CPQ: variants seen among roughly 807,000 people sequenced by gnomAD.
CPQ encodes the protein Ser-Met dipeptidase.
Under a neutral mutation model 45.7 loss-of-function variants are expected in CPQ, and 37 were observed. The observed-to-expected ratio is 0.81, with a 90% CI of 0.62 to 1.07. CPQ has a LOEUF of 1.07. CPQ is among the 50% of genes least tolerant of loss of function. CPQ has a pLI of 0.00. For synonymous variants in CPQ, 186 were observed against 205.8 expected, an observed-to-expected ratio of 0.90 and a Z score of 0.82; for missense variants, 537 against 572.9, an observed-to-expected ratio of 0.94 and a Z score of 0.64.
chr8:96,784,399 T>TGGCGGGG (rs1554566980), intron 1 of CPQ, among the ~76,000 whole-genome samples: 2 of 128,208 alleles, frequency 1.6e-5, no homozygotes, highest in African/African-American at 5.8e-5. Context: ...TGTTCTGAGG[T>TGGCGGGG]GGGGGGGGGG....
At position 96,834,534 on chromosome 8, in the gene CPQ, T is replaced by C. The variant is rs984363237; in HGVS notation, c.434-439T>C. Among the ~76,000 whole-genome samples the C allele has an allele frequency of 2.0e-5, 3 of 152,294 alleles. No individual in the cohort carries two copies. The East Asian group carries it at 5.8e-4, about 29-fold the overall frequency. ...TGGCATCCTTTGTATGATGTTGTTG[T>C]AGGTTGTTTAGCAACATATCAAAAT... On this transcript the variant is annotated intron_variant, in intron 2 of 7. Transcript: ENST00000220763.
At chr8:97,070,620 A>T (rs1180033423) in intron 7 of CPQ, among the ~76,000 whole-genome samples, 1 of 152,184 alleles carries the variant, frequency 6.6e-6, no homozygotes, top group African/African-American at 2.4e-5. Flanking sequence ...TAAATTGGGA[A>T]GCCTAGAGCA....
chr8:96,674,499 A>G (rs540767667), intron 1 of CPQ, among the ~76,000 whole-genome samples: 50 of 152,262 alleles, frequency 3.3e-4, no homozygotes, highest in African/African-American at 1.1e-3. Flanking sequence ...AGACTTTAAA[A>G]TAATGAAAAA....
chr8:97,130,568 A>T (rs1295486558), intron 7 of CPQ, among the ~76,000 whole-genome samples: 1 of 152,074 alleles, frequency 6.6e-6, no homozygotes, highest in South Asian at 2.1e-4. Flanking sequence ...TGTCCTAAAA[A>T]ATTATATTAA....
At chr8:96,985,728 G>C (rs182728611) in intron 5 of CPQ, among the ~76,000 whole-genome samples, 10 of 152,144 alleles carry the variant, frequency 6.6e-5, no homozygotes, top group African/African-American at 2.4e-4. Context: ...TTTCAAAGGC[G>C]TTGTAAAAAA....
At chr8:96,657,208 G>A (rs558983890) in intron 1 of CPQ, among the ~76,000 whole-genome samples, 2 of 152,178 alleles carry the variant, frequency 1.3e-5, no homozygotes, top group East Asian at 3.9e-4. Context: ...AGCTGGACGT[G>A]GTGGTGTGCG....
chr8:97,136,305 G>A (rs565923066), intron 7 of CPQ, among the ~76,000 whole-genome samples: 43 of 152,264 alleles, frequency 2.8e-4, no homozygotes, highest in Non-Finnish European at 5.4e-4. Flanking sequence ...AAAAGCGATC[G>A]TCACAACTTT....
chr8:96,790,805 A>T (rs913842335), intron 2 of CPQ, among the ~76,000 whole-genome samples: 1 of 152,070 alleles, frequency 6.6e-6, no homozygotes, highest in African/African-American at 2.4e-5. Context: ...GTTTTGAGAG[A>T]CATTAAATTA....
chr8:97,099,217 A>G (rs1586540632), intron 7 of CPQ, among the ~76,000 whole-genome samples: 1 of 134,794 alleles, frequency 7.4e-6, no homozygotes, highest in African/African-American at 2.8e-5. Flanking sequence ...TGCAACATCC[A>G]CCTCCCAGAT....
intron 3 of CPQ, among the ~76,000 whole-genome samples, chr8:96,850,522 A>G (rs566542963): frequency 7.9e-5 from 12 of 152,254 alleles, no homozygotes; most frequent in Non-Finnish European, 1.0e-4. Flanking sequence ...TGATGCTCGT[A>G]AATACTCCAA....
chr8:96,678,681 T>C (rs1030049654), intron 1 of CPQ, among the ~76,000 whole-genome samples: 1 of 152,092 alleles, frequency 6.6e-6, no homozygotes, highest in Admixed American at 6.6e-5. Flanking sequence ...TTCATATACA[T>C]GTTTTCCACT....
chr8:96,876,171 C>A (rs930602981), intron 3 of CPQ, among the ~76,000 whole-genome samples: 1 of 151,878 alleles, frequency 6.6e-6, no homozygotes, highest in African/African-American at 2.4e-5. Flanking sequence ...TATCTGCTAA[C>A]CTTGATGAAC....
chr8:96,803,305 C>G (rs1399818898), intron 2 of CPQ, among the ~76,000 whole-genome samples: 1 of 152,178 alleles, frequency 6.6e-6, no homozygotes, highest in Non-Finnish European at 1.5e-5. Context: ...GGGCCATTTG[C>G]TTTATTCAGT....
At chr8:96,883,596 A>T (rs965713069) in intron 4 of CPQ, among the ~76,000 whole-genome samples, 1 of 152,306 alleles carries the variant, frequency 6.6e-6, no homozygotes, top group South Asian at 2.1e-4. Context: ...TTGTGGAGGG[A>T]ATCTGCATTC....
chr8:96,788,566 T>C (rs544349360), intron 2 of CPQ, among the ~76,000 whole-genome samples: 1 of 152,252 alleles, frequency 6.6e-6, no homozygotes, highest in South Asian at 2.1e-4. Flanking sequence ...CTTTTTCTTT[T>C]GATTTTTATT....
intron 7 of CPQ, among the ~76,000 whole-genome samples, chr8:97,072,224 T>C (rs1344523080): frequency 6.6e-6 from 1 of 152,124 alleles, no homozygotes; most frequent in Non-Finnish European, 1.5e-5. Flanking sequence ...GAGAAGCTGT[T>C]TGAGAAAAAT....
At chr8:96,834,477 A>G (rs1811499631) in intron 2 of CPQ, among the ~76,000 whole-genome samples, 1 of 152,224 alleles carries the variant, frequency 6.6e-6, no homozygotes, top group Admixed American at 6.5e-5. Context: ...ATTTATGAAC[A>G]ACATTGGCTT....
rs1388436175 is a variant in CPQ at position 96,988,257 on chromosome 8, AT to A, written c.961+22213del. On this transcript the variant is annotated intron_variant, in intron 5 of 7. Transcript: ENST00000220763. ...TAACCTTTTATCTTTCCTCAGTGATATTAACTTCATTGCATTTAACTTTTTA... is the reference window on the plus strand; with the variant it reads ...TAACCTTTTATCTTTCCTCAGTGATATAACTTCATTGCATTTAACTTTTTA... 2.6e-5 allele frequency among the ~76,000 whole-genome samples: 4 copies of A among 152,296 alleles called. No homozygotes were observed. In the East Asian group the frequency reaches 7.7e-4, roughly 29 times the overall value.
chr8:96,984,771 T>C (rs1813979412), intron 5 of CPQ, among the ~76,000 whole-genome samples: 1 of 152,222 alleles, frequency 6.6e-6, no homozygotes, highest in Non-Finnish European at 1.5e-5. Context: ...CTGGGGATCA[T>C]AATAGTATCT....
Sources: gnomAD v4.1 joint callset for allele counts (sites outside exome capture counted in the v4.1 genomes callset) on GRCh38, gnomAD v4.1.1 for gene constraint, MANE v1.5 for transcripts, NCBI Gene and HGNC (gene_info 2026-07-23, HGNC 2026-07-21) for gene names.